POU6F2: variants seen among roughly 807,000 people sequenced by gnomAD.
The protein encoded by POU6F2 is POU domain, class 6, transcription factor 2.
A neutral mutation model predicts 71.3 loss-of-function variants in POU6F2; 31 were observed. The ratio of observed to expected loss-of-function variants is 0.43; its 90% CI spans 0.33 to 0.59. The LOEUF (loss-of-function observed/expected upper bound fraction) is 0.59, where lower values mean the gene tolerates loss of function less well. POU6F2 is among the 20% of genes least tolerant of loss of function. The pLI is 0.04. For missense variants in POU6F2, 783 were observed against 856.8 expected, an observed-to-expected ratio of 0.91 and a Z score of 1.07; for synonymous variants, 347 against 355.7, an observed-to-expected ratio of 0.98 and a Z score of 0.27.
chr7:39,288,101 A>G (rs1784684076), intron 4 of POU6F2, among the ~76,000 whole-genome samples: 1 of 152,238 alleles, frequency 6.6e-6, no homozygotes, highest in Non-Finnish European at 1.5e-5. Flanking sequence ...ACACTAAAAA[A>G]TAATTAAAGA....
At chr7:39,030,422 G>T (rs1457392363) in intron 1 of POU6F2, among the ~76,000 whole-genome samples, 2 of 144,072 alleles carry the variant, frequency 1.4e-5, no homozygotes, top group African/African-American at 5.1e-5. Flanking sequence ...GATCACTCTT[G>T]CCTGAGATCT....
intron 1 of POU6F2, among the ~76,000 whole-genome samples, chr7:39,072,453 A>C (rs774201471): frequency 6.6e-6 from 1 of 152,200 alleles, no homozygotes; most frequent in Non-Finnish European, 1.5e-5. Context: ...TAAGCCCCTA[A>C]ACCCACTTAA....
chr7:38,979,063 A>G (rs1230143901), intron 1 of POU6F2, among the ~76,000 whole-genome samples: 1 of 152,156 alleles, frequency 6.6e-6, no homozygotes, highest in Non-Finnish European at 1.5e-5. Flanking sequence ...GGGGTGGGGT[A>G]AGGAAAAAGG....
intron 5 of POU6F2, among the ~76,000 whole-genome samples, chr7:39,389,754 T>C (rs1027463186): frequency 2.6e-5 from 4 of 152,222 alleles, no homozygotes; most frequent in Non-Finnish European, 5.9e-5. Flanking sequence ...TCCCCTGTGT[T>C]TAACAATTAT....
At chr7:39,078,028 A>G (rs1791033471) in intron 1 of POU6F2, among the ~76,000 whole-genome samples, 2 of 152,118 alleles carry the variant, frequency 1.3e-5, no homozygotes, top group Non-Finnish European at 2.9e-5. Flanking sequence ...AGATAATGGT[A>G]GGCCACCAAA....
intron 4 of POU6F2, among the ~76,000 whole-genome samples, chr7:39,250,942 T>A (rs1258124784): frequency 6.6e-6 from 1 of 152,196 alleles, no homozygotes; most frequent in Non-Finnish European, 1.5e-5. Flanking sequence ...TTGCTTTGCG[T>A]CTCCATTTGG....
intron 5 of POU6F2, among the ~76,000 whole-genome samples, chr7:39,380,130 A>G (rs1006072232): frequency 6.6e-6 from 1 of 152,190 alleles, no homozygotes; most frequent in African/African-American, 2.4e-5. Flanking sequence ...CTCCCACTGA[A>G]TATTTTCATG....
At chr7:39,084,733 G>A (rs978322109) in intron 1 of POU6F2, among the ~76,000 whole-genome samples, 2 of 151,906 alleles carry the variant, frequency 1.3e-5, no homozygotes, top group African/African-American at 4.8e-5. Flanking sequence ...TAAAACACAG[G>A]CATACCGCAA....
rs114760398 is a variant in POU6F2, at chr7:39,109,192, T to C, written c.277+23161T>C. ...TCCTGAGTAGCTGGGACTACAGACA[T>C]GTGCTGCCACTGCATCTGGCTAATT... On this transcript the variant is annotated intron_variant, in intron 2 of 9. Coordinates refer to ENST00000518318, the MANE Select transcript of POU6F2 (RefSeq NM_001370959.1). Among the ~76,000 whole-genome samples, 1,236 of 152,180 alleles carry C rather than the reference T, an allele frequency of 8.1e-3. 15 individuals are homozygous for C. Among genetic ancestry groups the C allele is most frequent in the African/African-American group, 0.028 (1,174 of 41,538 alleles).
rs141991169 is a variant in POU6F2 at position 39,032,262 on chromosome 7, C to T, written c.106-53598C>T. Among the ~76,000 whole-genome samples the T allele has an allele frequency of 2.8e-3, 431 of 152,270 alleles. 3 individuals carry two copies. Among genetic ancestry groups the T allele is most frequent in the Middle Eastern group, 0.027 (8 of 294 alleles). On this transcript the variant is annotated intron_variant, in intron 1 of 9. Coordinates refer to ENST00000518318, the MANE Select transcript of POU6F2 (RefSeq NM_001370959.1). Reference sequence around the variant, plus strand: ...CACAAAAACCAAATGGTGGGAGGGACTATAACCACAGTGAGTCCTTCTTCA... The same window carrying T: ...CACAAAAACCAAATGGTGGGAGGGATTATAACCACAGTGAGTCCTTCTTCA...
At chr7:39,112,200 G>A (rs562578958) in intron 2 of POU6F2, among the ~76,000 whole-genome samples, 1 of 152,254 alleles carries the variant, frequency 6.6e-6, no homozygotes, top group East Asian at 1.9e-4. Context: ...TTGAAAACTG[G>A]CTGAACATGT....
chr7:38,993,645 C>T (rs1045488282), intron 1 of POU6F2, among the ~76,000 whole-genome samples: 1 of 150,504 alleles, frequency 6.6e-6, no homozygotes, highest in East Asian at 1.9e-4. Context: ...CACACACACA[C>T]ACATCAGTGG....
chr7:39,142,334 G>A (rs1262773823), intron 2 of POU6F2, among the ~76,000 whole-genome samples: 4 of 152,198 alleles, frequency 2.6e-5, no homozygotes, highest in African/African-American at 4.8e-5. Context: ...CCGTAGAAAA[G>A]AATGTTCATG....
chr7:39,443,907 G>T (rs971953701), intron 7 of POU6F2, among the ~76,000 whole-genome samples: 1 of 152,072 alleles, frequency 6.6e-6, no homozygotes, highest in South Asian at 2.1e-4. Context: ...TAGTTCTGAA[G>T]GTAAAATATG....
intron 2 of POU6F2, among the ~76,000 whole-genome samples, chr7:39,097,196 A>T (rs1525801): frequency 0.8 from 121,481 of 151,996 alleles, 48,733 homozygotes; most frequent in East Asian, 1. Flanking sequence ...TAAAAGGGTT[A>T]TTATTATTAT....
At chr7:39,328,725 T>C (rs1030668505) in intron 4 of POU6F2, among the ~76,000 whole-genome samples, 8 of 152,216 alleles carry the variant, frequency 5.3e-5, no homozygotes, top group Admixed American at 3.9e-4. Flanking sequence ...ATCCTTATCT[T>C]GTCAGAAGGT....
chr7:39,123,405 A>G lies in POU6F2; in HGVS notation c.277+37374A>G, dbSNP rs548086081. 8.5e-5 allele frequency among the ~76,000 whole-genome samples: 13 copies of G among 152,332 alleles called. No individual in the cohort carries two copies. The South Asian group carries it at 2.5e-3, about 29-fold the overall frequency. On this transcript the variant is annotated intron_variant, in intron 2 of 9. Coordinates refer to ENST00000518318, the MANE Select transcript of POU6F2 (RefSeq NM_001370959.1). ...TAACCAAGGAATCAAACATTCAGAA[A>G]GTTGGTGAGAAATAGAACATGTGTT...
At chr7:39,412,825 G>C (rs888668684) in intron 6 of POU6F2, among the ~76,000 whole-genome samples, 1 of 51,924 alleles carries the variant, frequency 1.9e-5, no homozygotes, top group African/African-American at 6.8e-5. Context: ...TTTTTGAGAC[G>C]GAGTCTTGCT....
chr7:39,009,394 G>A (rs1442127873), intron 1 of POU6F2, among the ~76,000 whole-genome samples: 1 of 152,144 alleles, frequency 6.6e-6, no homozygotes, highest in Non-Finnish European at 1.5e-5. Flanking sequence ...CTTTGCTGAA[G>A]TTGCTTATCA....
Sources: allele counts gnomAD v4.1 joint callset (sites outside exome capture counted in the v4.1 genomes callset), GRCh38; gene constraint gnomAD v4.1.1; transcripts MANE v1.5; gene names NCBI Gene and HGNC (gene_info 2026-07-23, HGNC 2026-07-21).